SLAIN1: variants seen among roughly 807,000 people sequenced by gnomAD.
SLAIN1 encodes the protein SLAIN motif-containing protein 1.
A neutral mutation model predicts 55.4 loss-of-function variants in SLAIN1; 17 were observed. That is an observed-to-expected ratio of 0.31 (90% CI 0.21 to 0.46). The LOEUF is 0.46. SLAIN1 is among the 20% of genes least tolerant of loss of function. The pLI is 1.00. For synonymous variants in SLAIN1, 348 were observed against 337.4 expected (o/e 1.03, Z -0.35); for missense variants, 682 against 785.1 (o/e 0.87, Z 1.57).
At chr13:77,738,901 C>T in intron 2 of SLAIN1, among the ~76,000 whole-genome samples, 1 of 152,096 alleles carries the variant, frequency 6.6e-6, no homozygotes, top group East Asian at 1.9e-4. Flanking sequence ...CAGGAAATGG[C>T]AGCATTTCCA....
rs2090986428 is a variant in SLAIN1, at chr13:77,697,689, G to A, written c.-225G>A. On this transcript the variant is annotated 5_prime_UTR_variant, in exon 1 of 7. Coordinates refer to ENST00000418532, the MANE Select transcript of SLAIN1 (RefSeq NM_001242868.2). ...ACCCGGAGCCGCCGCGACGCCCAGG[G>A]GACTGGAGGGACGCACTGAGCATGT... is the stretch of plus-strand genomic sequence containing the variant. Among the ~76,000 whole-genome samples the A allele has an allele frequency of 6.7e-6, 1 of 149,904 alleles. No individual in the cohort carries two copies. The highest frequency in any genetic ancestry group is 2.4e-5 in the African/African-American group (1 of 40,964).
chr13:77,735,426 C>T (rs1415974339), intron 2 of SLAIN1, among the ~76,000 whole-genome samples: 3 of 152,076 alleles, frequency 2.0e-5, no homozygotes, highest in Non-Finnish European at 2.9e-5. Flanking sequence ...CAGCCCTGCA[C>T]GTTTTTCTGA....
intron 4 of SLAIN1, among the ~76,000 whole-genome samples, chr13:77,749,567 T>C (rs546989632): frequency 2.6e-4 from 40 of 152,170 alleles, no homozygotes; most frequent in Non-Finnish European, 2.1e-4. Flanking sequence ...GCTGCCTCTT[T>C]AATGTGAGCA....
intron 2 of SLAIN1, among the ~76,000 whole-genome samples, chr13:77,736,792 CTT>C (rs1368659388): frequency 4.9e-5 from 7 of 143,640 alleles, no homozygotes; most frequent in Admixed American, 7.0e-5. Flanking sequence ...CTGCATTAGT[CTT>C]TTTTTTTTTT....
intron 1 of SLAIN1, among the ~76,000 whole-genome samples, chr13:77,707,283 T>C (rs2091099683): frequency 6.6e-6 from 1 of 152,160 alleles, no homozygotes; most frequent in African/African-American, 2.4e-5. Context: ...TACTGACTCT[T>C]TTGTTTTTGC....
intron 1 of SLAIN1, among the ~76,000 whole-genome samples, chr13:77,708,501 T>G (rs1368493240): frequency 6.6e-6 from 1 of 152,298 alleles, no homozygotes; most frequent in Admixed American, 6.5e-5. Context: ...AGACACCTCA[T>G]ACGGGAGAGC....
rs1454487431 is a variant in SLAIN1, at chr13:77,714,134, C to A, written c.627-5398C>A. ...GTGTATACCTGTGTAAAAAATCCTG[C>A]ACCTTCTGCACATATATCCCAGAAC... On this transcript the variant is annotated intron_variant, in intron 1 of 6. Coordinates refer to ENST00000418532, the MANE Select transcript of SLAIN1 (RefSeq NM_001242868.2). 2.0e-5 allele frequency among the ~76,000 whole-genome samples: 3 copies of A among 152,138 alleles called. 1 individual carries two copies. The highest frequency in any genetic ancestry group is 6.8e-3 in the Middle Eastern group (2 of 294).
intron 2 of SLAIN1, among the ~76,000 whole-genome samples, chr13:77,738,889 T>G (rs1873270953): frequency 6.6e-6 from 1 of 152,166 alleles, no homozygotes; most frequent in African/African-American, 2.4e-5. Context: ...TTTCTTGGAT[T>G]GCAGGAAATG....
At chr13:77,722,377 T>A (rs1464864577) in intron 2 of SLAIN1, among the ~76,000 whole-genome samples, 1 of 152,010 alleles carries the variant, frequency 6.6e-6, no homozygotes, top group East Asian at 1.9e-4. Context: ...ACTTATATTT[T>A]ATAAAATATA....
chr13:77,717,334 A>T (rs1227241942), intron 1 of SLAIN1, among the ~76,000 whole-genome samples: 2 of 152,048 alleles, frequency 1.3e-5, no homozygotes, highest in East Asian at 1.9e-4. Context: ...CCCTAATAGG[A>T]TGTATTAGGA....
chr13:77,728,965 T>C (rs943105809), intron 2 of SLAIN1, among the ~76,000 whole-genome samples: 2 of 152,302 alleles, frequency 1.3e-5, no homozygotes, highest in East Asian at 1.9e-4. Flanking sequence ...TGGAATCATA[T>C]TGGAATTTTT....
chr13:77,747,876 A>G (rs1404749760), intron 4 of SLAIN1, among the ~76,000 whole-genome samples: 1 of 152,164 alleles, frequency 6.6e-6, no homozygotes, highest in Non-Finnish European at 1.5e-5. Flanking sequence ...ACTTCTAAGA[A>G]CTATGGGAGA....
At chr13:77,710,867 A>G (rs1566221617) in intron 1 of SLAIN1, among the ~76,000 whole-genome samples, 1 of 152,228 alleles carries the variant, frequency 6.6e-6, no homozygotes, top group African/African-American at 2.4e-5. Context: ...AGGCAAAAGA[A>G]TGGAAATCAT....
chr13:77,703,562 A>G (rs1183807337), intron 1 of SLAIN1, among the ~76,000 whole-genome samples: 4 of 152,054 alleles, frequency 2.6e-5, no homozygotes, highest in Non-Finnish European at 4.4e-5. Flanking sequence ...GAGGTGCTGA[A>G]GTAGTTTACC....
At chr13:77,726,899 T>C (rs977043352) in intron 2 of SLAIN1, among the ~76,000 whole-genome samples, 2 of 152,212 alleles carry the variant, frequency 1.3e-5, no homozygotes, top group African/African-American at 4.8e-5. Flanking sequence ...TATAAGGAAA[T>C]AGATATTTGT....
chr13:77,739,730 A>G (rs565751534), intron 2 of SLAIN1, among the ~76,000 whole-genome samples: 2 of 152,122 alleles, frequency 1.3e-5, no homozygotes, highest in Non-Finnish European at 2.9e-5. Context: ...TGACAAATTA[A>G]AGAAACTTAG....
chr13:77,706,527 G>C (rs1460106028), intron 1 of SLAIN1, among the ~76,000 whole-genome samples: 2 of 152,098 alleles, frequency 1.3e-5, no homozygotes, highest in East Asian at 3.8e-4. Context: ...ATATTGTAGT[G>C]CTATCCCCTC....
intron 4 of SLAIN1, 102 bp downstream of exon 4, chr13:77,746,957 G>C (rs1873871989): frequency 2.8e-6 from 3 of 1,057,872 alleles, no homozygotes; most frequent in South Asian, 1.7e-5. Flanking sequence ...GACAGAATCT[G>C]TCTCTGTCTC....
At chr13:77,699,555 A>G (rs7337726) in intron 1 of SLAIN1, among the ~76,000 whole-genome samples, 31,096 of 151,964 alleles carry the variant, frequency 0.2, 3,402 homozygotes, top group Admixed American at 0.25. Flanking sequence ...TCTCTGTTGC[A>G]TGATTGCATG....
Sources: gnomAD v4.1 joint callset for allele counts (sites outside exome capture counted in the v4.1 genomes callset) on GRCh38, gnomAD v4.1.1 for gene constraint, MANE v1.5 for transcripts, NCBI Gene and HGNC (gene_info 2026-07-23, HGNC 2026-07-21) for gene names.